TRIT1: variants seen among roughly 807,000 people sequenced by gnomAD.
TRIT1 encodes the protein tRNA dimethylallyltransferase.
TRIT1 carries 43 observed loss-of-function variants against 51.2 expected under a neutral mutation model. That is an observed-to-expected ratio of 0.84 (90% CI 0.66 to 1.08). The LOEUF is 1.08. Among genes scored for constraint, TRIT1 ranks in the 50% least tolerant of loss-of-function variants. The probability of loss-of-function intolerance (pLI) is 0.00; values close to 1 mark genes in which losing one functional copy is unlikely to be tolerated. For synonymous variants in TRIT1, 184 were observed against 203.9 expected (o/e 0.90, Z 0.83); for missense variants, 528 against 578.4 (o/e 0.91, Z 0.89).
chr1:39,854,540 T>C (rs1434298183), intron 2 of TRIT1, among the ~76,000 whole-genome samples: 1 of 152,178 alleles, frequency 6.6e-6, no homozygotes, highest in Non-Finnish European at 1.5e-5. Context: ...ATTTTGCCAC[T>C]TGAGGCTTGA....
At chr1:39,872,752 A>AACAC (rs61554657) in intron 1 of TRIT1, among the ~76,000 whole-genome samples, 2,115 of 134,974 alleles carry the variant, frequency 0.016, 44 homozygotes, top group African/African-American at 0.042. Context: ...GGAAGTACTA[A>AACAC]ACACACACAC....
intron 7 of TRIT1, 111 bp downstream of exon 7, chr1:39,847,437 G>A: frequency 6.9e-7 from 1 of 1,440,588 alleles, no homozygotes; most frequent in Non-Finnish European, 9.7e-7. Flanking sequence ...TCAGTTCTGA[G>A]CTGAAGGCTA....
rs768991397 is a variant in TRIT1, at chr1:39,847,616, T to C, written c.860A>G (p.Glu287Gly). The change falls in exon 7 of 11, where the codon GAA (glutamate) becomes GGA (glycine). Residue 287 changes from glutamate (E) to glycine (G), a missense_variant. Physicochemically the swap from Glu to Gly is moderately conservative, Grantham distance 98 (BLOSUM62 -2). This residue lies in a region of TRIT1 where 468 missense variants were observed against 522.6 expected (regional missense o/e 0.90). Coordinates refer to ENST00000316891, the MANE Select transcript of TRIT1 (RefSeq NM_017646.6). The part of the protein sequence containing the change: ...HGIFQSIGFK[E>G]FHEYLITEGK... Reference sequence around the variant, plus strand: ...CTCAGTGATCAGGTACTCGTGAAATTCCTTGAAGCCAATTGATTGGAAGAT... The same window carrying C: ...CTCAGTGATCAGGTACTCGTGAAATCCCTTGAAGCCAATTGATTGGAAGAT... The C allele has an allele frequency of 6.2e-7, 1 of 1,614,180 alleles. No homozygotes were observed. Among genetic ancestry groups the C allele is most frequent in the Non-Finnish European group, 8.5e-7 (1 of 1,180,028 alleles).
intron 1 of TRIT1, among the ~76,000 whole-genome samples, chr1:39,871,632 A>C (rs1469730085): frequency 6.6e-6 from 1 of 152,214 alleles, no homozygotes; most frequent in Non-Finnish European, 1.5e-5. Context: ...TAAGTGAAAA[A>C]AGCCAAACCT....
chr1:39,869,481 G>A (rs1250200510), intron 1 of TRIT1, among the ~76,000 whole-genome samples: 1 of 152,194 alleles, frequency 6.6e-6, no homozygotes, highest in Non-Finnish European at 1.5e-5. Context: ...CGCCTGCCTT[G>A]GCCTCCCAAA....
intron 1 of TRIT1, among the ~76,000 whole-genome samples, chr1:39,862,229 T>G (rs972573779): frequency 2.0e-5 from 3 of 151,406 alleles, no homozygotes; most frequent in African/African-American, 7.3e-5. Flanking sequence ...TGCAGAACAA[T>G]GCTATTGTAC....
chr1:39,861,252 G>T (rs1409869122), intron 1 of TRIT1, among the ~76,000 whole-genome samples: 1 of 152,166 alleles, frequency 6.6e-6, no homozygotes, highest in African/African-American at 2.4e-5. Flanking sequence ...TTTCGGGAAG[G>T]GCAAGGTGGC....
chr1:39,857,827 G>A (rs1356753163), intron 1 of TRIT1, among the ~76,000 whole-genome samples: 9 of 152,118 alleles, frequency 5.9e-5, no homozygotes. Flanking sequence ...GGTATTTCTT[G>A]GATTTAAATA....
In TRIT1 at chr1:39,840,388, T is replaced by C. The variant is rs777997945; in HGVS notation, c.*1356A>G. On this transcript the variant is annotated 3_prime_UTR_variant, in exon 11 of 11. Transcript: ENST00000316891. ...TCTTATATGCATAGGAAACAAAACA[T>C]TTATCAAGAATTGCTTTTCAAGGTG... is the stretch of plus-strand genomic sequence containing the variant. 4.6e-5 allele frequency among the ~76,000 whole-genome samples: 7 copies of C among 152,228 alleles called. No homozygotes were observed. Among genetic ancestry groups the C allele is most frequent in the Non-Finnish European group, 7.3e-5 (5 of 68,040 alleles).
At chr1:39,851,106 C>T (rs769650978) in intron 4 of TRIT1, among the ~76,000 whole-genome samples, 3 of 152,076 alleles carry the variant, frequency 2.0e-5, no homozygotes, top group Non-Finnish European at 4.4e-5. Context: ...GAAACCCTAA[C>T]GCAAGAGTGT....
rs1642337283 is a variant in TRIT1 at position 39,848,030 on chromosome 1, T to C, written c.771A>G (p.Arg257=). Residue 257 remains arginine (R), a synonymous_variant, in exon 6 of 11, where the codon AGA becomes AGG. Transcript: ENST00000316891. The part of the protein sequence containing the change: ...MLAAGLLEEL[R]DFHRRYNQKN... ...TCTGATTATAGCGTCTGTGAAAATCTCTTAGTTCCTCCAAGAGCCCAGCAG... is the reference window on the plus strand; with the variant it reads ...TCTGATTATAGCGTCTGTGAAAATCCCTTAGTTCCTCCAAGAGCCCAGCAG... The C allele has an allele frequency of 3.7e-6, 6 of 1,614,166 alleles. No homozygotes were observed. The highest frequency in any genetic ancestry group is 5.1e-6 in the Non-Finnish European group (6 of 1,180,032).
Position 39,844,204 on chromosome 1 carries a change from T to C in TRIT1, c.1131A>G (p.Thr377=). The C allele has an allele frequency of 1.2e-6, 2 of 1,614,026 alleles. No individual in the cohort carries two copies. The highest frequency in any genetic ancestry group is 1.7e-6 in the Non-Finnish European group (2 of 1,179,858). Residue 377 remains threonine, a synonymous_variant, in exon 10 of 11, where the codon ACA becomes ACG. Transcript: ENST00000316891. ...VQSFIQGHKP[T]ATPIKMPYNE... ...TGTATGGCATCTTTATTGGAGTGGC[T>C]GTAGGCTTGTGGCCCTAAAAGAACA...
In TRIT1 at chr1:39,840,731, G is replaced by A. The variant is rs1282051163; in HGVS notation, c.*1013C>T. Among the ~76,000 whole-genome samples, 1 of 152,224 alleles carries A rather than the reference G, an allele frequency of 6.6e-6. No homozygotes were observed. Among genetic ancestry groups the A allele is most frequent in the Non-Finnish European group, 1.5e-5 (1 of 68,036 alleles). ...GCAACGATTGCACAACATTGTGAAT[G>A]TAGTTAATGCTGCTGAATTATACCC... On this transcript the variant is annotated 3_prime_UTR_variant, in exon 11 of 11. Transcript: ENST00000316891.
At chr1:39,865,107 G>A (rs1013054249) in intron 1 of TRIT1, among the ~76,000 whole-genome samples, 13 of 152,274 alleles carry the variant, frequency 8.5e-5, no homozygotes, top group Non-Finnish European at 1.5e-4. Context: ...AACACTGACT[G>A]CCAAATATAA....
At chr1:39,847,682 C>T in intron 6 of TRIT1, 22 bp from the exon 7 acceptor site, 1 of 1,614,064 alleles carries the variant, frequency 6.2e-7, no homozygotes, top group Non-Finnish European at 8.5e-7. Context: ...AGGGTATCAG[C>T]AGATAAGCCA....
chr1:39,852,442 C>T, intron 4 of TRIT1: 1 of 309,560 alleles, frequency 3.2e-6, no homozygotes, highest in Non-Finnish European at 5.9e-6. Flanking sequence ...TATATGAAAA[C>T]TGTTATACAA....
chr1:39,882,863 C>T (rs1024483316), intron 1 of TRIT1, among the ~76,000 whole-genome samples: 1 of 152,218 alleles, frequency 6.6e-6, no homozygotes, highest in Non-Finnish European at 1.5e-5. Flanking sequence ...CTATTCCACT[C>T]CCCCAGCAGA....
intron 1 of TRIT1, among the ~76,000 whole-genome samples, chr1:39,873,401 A>G (rs1266898230): frequency 3.3e-5 from 5 of 152,224 alleles, no homozygotes; most frequent in African/African-American, 1.2e-4. Context: ...AGAGACATCT[A>G]CAAAAGAGCT....
chr1:39,850,064 C>A, intron 5 of TRIT1, 55 bp downstream of exon 5: 3 of 1,595,312 alleles, frequency 1.9e-6, no homozygotes, highest in Non-Finnish European at 2.6e-6. Flanking sequence ...TATACAGTAA[C>A]TTATTACTCC....
Sources: allele counts gnomAD v4.1 joint callset (sites outside exome capture counted in the v4.1 genomes callset), GRCh38; gene constraint gnomAD v4.1.1; regional missense constraint gnomAD v4.1.1; transcripts MANE v1.5; gene names NCBI Gene and HGNC (gene_info 2026-07-23, HGNC 2026-07-21).